The following IGSF21 variants were observed in gnomAD, a reference collection of about 807,000 sequenced individuals.
IGSF21 encodes the protein immunoglobulin superfamily member 21.
IGSF21 carries 28 observed loss-of-function variants against 46.8 expected under a neutral mutation model. The observed-to-expected ratio is 0.60, with a 90% CI of 0.44 to 0.82. IGSF21 has a LOEUF of 0.82. Among genes scored for constraint, IGSF21 ranks in the 40% least tolerant of loss-of-function variants. IGSF21 has a pLI of 0.00. For synonymous variants in IGSF21, 284 were observed against 273.6 expected, an observed-to-expected ratio of 1.04 and a Z score of -0.38; for missense variants, 624 against 665.5, an observed-to-expected ratio of 0.94 and a Z score of 0.69.
chr1:18,200,722 G>T (rs1229704522), intron 1 of IGSF21, among the ~76,000 whole-genome samples: 1 of 152,184 alleles, frequency 6.6e-6, no homozygotes, highest in Non-Finnish European at 1.5e-5. Context: ...GGATTTCAAT[G>T]TATCTTTTAG....
At chr1:18,123,171 C>G (rs1418193205) in intron 1 of IGSF21, among the ~76,000 whole-genome samples, 2 of 152,174 alleles carry the variant, frequency 1.3e-5, no homozygotes, top group African/African-American at 4.8e-5. Flanking sequence ...TGATCCCATT[C>G]TAAGATTATT....
At chr1:18,324,442 C>T (rs1239765917) in intron 3 of IGSF21, among the ~76,000 whole-genome samples, 7 of 152,200 alleles carry the variant, frequency 4.6e-5, no homozygotes, top group East Asian at 3.9e-4. Context: ...CCTCCCCAAC[C>T]GCCTGCAGGG....
At chr1:18,142,093 T>C (rs530289900) in intron 1 of IGSF21, among the ~76,000 whole-genome samples, 16 of 152,236 alleles carry the variant, frequency 1.1e-4, no homozygotes, top group South Asian at 1.0e-3. Flanking sequence ...TGTATATGTA[T>C]ATATAAAATA....
At chr1:18,125,396 G>A (rs1378866457) in intron 1 of IGSF21, among the ~76,000 whole-genome samples, 2 of 152,180 alleles carry the variant, frequency 1.3e-5, no homozygotes, top group Non-Finnish European at 2.9e-5. Flanking sequence ...TGCAGGGCAG[G>A]TATCAGTACA....
Position 18,237,387 on chromosome 1 carries a change from C to T in IGSF21, c.183+9377C>T, listed in dbSNP as rs147008352. Among the ~76,000 whole-genome samples, 21 of 152,268 alleles carry T rather than the reference C, an allele frequency of 1.4e-4. 2 individuals are homozygous for T. In the East Asian group the frequency reaches 4.1e-3, roughly 29 times the overall value. On this transcript the variant is annotated intron_variant, in intron 2 of 9. Transcript: ENST00000251296. ...GGGGAGCGCTTCCCGTCCAGTTGCCCATCATCAAGTTGTTAAGTTCTGTTT... is the reference window on the plus strand; with the variant it reads ...GGGGAGCGCTTCCCGTCCAGTTGCCTATCATCAAGTTGTTAAGTTCTGTTT...
At chr1:18,377,324 A>G (rs1362041464) in intron 8 of IGSF21, 69 bp from the exon 9 acceptor site, 2 of 1,365,456 alleles carry the variant, frequency 1.5e-6, no homozygotes, top group East Asian at 2.3e-5. Context: ...TGCTGGGTAA[A>G]GGGCCATTCC....
Position 18,335,530 on chromosome 1 carries a change from G to A in IGSF21, c.424+520G>A, listed in dbSNP as rs1297981157. On this transcript the variant is annotated intron_variant, in intron 4 of 9. Transcript: ENST00000251296. This position sits in a 1 kb window ranked among gnomAD's most constrained non-coding sequence, Gnocchi z 4.8. ...TGTCTCTAGCTGGCTGGGTCCTTGG[G>A]TAAGTCTATCCCCATCCCAGACTCA... 6.6e-6 allele frequency among the ~76,000 whole-genome samples: 1 copy of A among 152,118 alleles called. No individual in the cohort carries two copies. The highest frequency in any genetic ancestry group is 2.4e-5 in the African/African-American group (1 of 41,414).
At chr1:18,340,084 T>C (rs1428969951) in intron 4 of IGSF21, among the ~76,000 whole-genome samples, 1 of 152,206 alleles carries the variant, frequency 6.6e-6, no homozygotes, top group South Asian at 2.1e-4. Context: ...GTGACTTGGA[T>C]GCCCACGTAC....
chr1:18,206,131 G>T (rs1418781992), intron 1 of IGSF21, among the ~76,000 whole-genome samples: 2 of 152,242 alleles, frequency 1.3e-5, no homozygotes, highest in Admixed American at 1.3e-4. Flanking sequence ...TTTCAGGATA[G>T]AGAGAGAGGT....
At chr1:18,120,574 G>T (rs2086225902) in intron 1 of IGSF21, among the ~76,000 whole-genome samples, 1 of 152,184 alleles carries the variant, frequency 6.6e-6, no homozygotes, top group Non-Finnish European at 1.5e-5. Flanking sequence ...GTACCTGACA[G>T]GGTTGTGGCG....
chr1:18,291,150 C>T (rs1277499173), intron 2 of IGSF21, among the ~76,000 whole-genome samples: 1 of 152,212 alleles, frequency 6.6e-6, no homozygotes, highest in Admixed American at 6.5e-5. Context: ...CGCTTGGGTT[C>T]GCTTTCCATC....
chr1:18,146,375 G>A (rs1056087814), intron 1 of IGSF21, among the ~76,000 whole-genome samples: 21 of 152,252 alleles, frequency 1.4e-4, no homozygotes, highest in African/African-American at 3.6e-4. Context: ...GTGGGGCAAC[G>A]TGAGTCTATT....
chr1:18,191,811 G>A (rs1030689668), intron 1 of IGSF21, among the ~76,000 whole-genome samples: 4 of 152,160 alleles, frequency 2.6e-5, no homozygotes, highest in African/African-American at 9.7e-5. Context: ...AGATCTGTTT[G>A]CAACCTGGGC....
intron 3 of IGSF21, among the ~76,000 whole-genome samples, chr1:18,296,749 C>T (rs2085315791): frequency 6.6e-6 from 1 of 152,186 alleles, no homozygotes; most frequent in South Asian, 2.1e-4. Flanking sequence ...GCTGTGACCT[C>T]CTTGGAGGTC....
intron 4 of IGSF21, among the ~76,000 whole-genome samples, chr1:18,339,462 T>C (rs72938736): frequency 0.016 from 2,382 of 152,292 alleles, 58 homozygotes; most frequent in African/African-American, 0.053. Context: ...CCTGGCATGG[T>C]GGCTCACATG....
At chr1:18,160,591 C>T (rs907759047) in intron 1 of IGSF21, among the ~76,000 whole-genome samples, 3 of 151,878 alleles carry the variant, frequency 2.0e-5, no homozygotes, top group Non-Finnish European at 4.4e-5. Flanking sequence ...ACATGAGGAT[C>T]GTACAGTACT....
At chr1:18,245,135 T>C (rs2084772622) in intron 2 of IGSF21, among the ~76,000 whole-genome samples, 1 of 152,254 alleles carries the variant, frequency 6.6e-6, no homozygotes, top group African/African-American at 2.4e-5. Flanking sequence ...CTAGTTTTCA[T>C]AGGAATGCAT....
At chr1:18,307,523 C>T (rs1378441502) in intron 3 of IGSF21, among the ~76,000 whole-genome samples, 1 of 152,178 alleles carries the variant, frequency 6.6e-6, no homozygotes, top group Non-Finnish European at 1.5e-5. Context: ...AGTGACTTGC[C>T]CAAGGTCACA....
chr1:18,288,291 C>A (rs982013849), intron 2 of IGSF21, among the ~76,000 whole-genome samples: 2 of 152,206 alleles, frequency 1.3e-5, no homozygotes, highest in Non-Finnish European at 2.9e-5. Flanking sequence ...GGAAGCCTTC[C>A]ATGATCACCC....
Sources: gnomAD v4.1 joint callset for allele counts (sites outside exome capture counted in the v4.1 genomes callset) on GRCh38, gnomAD v4.1.1 for gene constraint, Gnocchi (gnomAD v3.1) non-coding constraint, MANE v1.5 for transcripts, NCBI Gene and HGNC (gene_info 2026-07-23, HGNC 2026-07-21) for gene names.